Variants in SYT16 observed in about 807,000 individuals in gnomAD.
SYT16 encodes synaptotagmin-16.
SYT16 carries 42 observed loss-of-function variants against 61.4 expected under a neutral mutation model. That is an observed-to-expected ratio of 0.68 (90% CI 0.53 to 0.89). SYT16 has a LOEUF of 0.89. Among genes scored for constraint, SYT16 ranks in the 40% least tolerant of loss-of-function variants. The pLI, the probability that SYT16 is intolerant of heterozygous loss-of-function variation, is 0.00. For missense variants in SYT16, 804 were observed against 807.3 expected, an observed-to-expected ratio of 1.00 and a Z score of 0.05; for synonymous variants, 314 against 302.3, an observed-to-expected ratio of 1.04 and a Z score of -0.40.
intron 3 of SYT16, among the ~76,000 whole-genome samples, chr14:62,002,754 C>T (rs530414522): frequency 6.6e-6 from 1 of 152,220 alleles, no homozygotes; most frequent in South Asian, 2.1e-4. Flanking sequence ...ACAGGATTTG[C>T]TGTTGTATTA....
chr14:61,980,110 C>T (rs891625150), intron 2 of SYT16, among the ~76,000 whole-genome samples: 3 of 152,172 alleles, frequency 2.0e-5, no homozygotes, highest in African/African-American at 7.2e-5. Context: ...TCACCCGTCT[C>T]CACTGGGGCA....
At chr14:61,827,041 A>C (rs1346358753) in intron 1 of SYT16, among the ~76,000 whole-genome samples, 1 of 150,486 alleles carries the variant, frequency 6.6e-6, no homozygotes, top group Non-Finnish European at 1.5e-5. Context: ...ACCTCTTTAA[A>C]GGCCCCATCT....
intron 1 of SYT16, among the ~76,000 whole-genome samples, chr14:61,965,242 C>G (rs1029086818): frequency 6.6e-5 from 10 of 152,122 alleles, no homozygotes; most frequent in Admixed American, 3.3e-4. Flanking sequence ...TCTTGTGTTG[C>G]CGCCTTCTGA....
At chr14:62,091,780 A>T (rs536355259) in intron 7 of SYT16, among the ~76,000 whole-genome samples, 1 of 152,336 alleles carries the variant, frequency 6.6e-6, no homozygotes, top group East Asian at 1.9e-4. Flanking sequence ...CAAAAACTTT[A>T]TGACCTTGGA....
chr14:61,996,710 A>T (rs1395422171), intron 3 of SYT16, among the ~76,000 whole-genome samples, 168 bp downstream of exon 3: 1 of 152,068 alleles, frequency 6.6e-6, no homozygotes, highest in African/African-American at 2.4e-5. Flanking sequence ...TATTTTCAAT[A>T]TATAAAGCTT....
intron 1 of SYT16, among the ~76,000 whole-genome samples, chr14:61,838,421 C>G (rs2046199302): frequency 6.6e-6 from 1 of 152,140 alleles, no homozygotes; most frequent in Non-Finnish European, 1.5e-5. Flanking sequence ...GAGGACCCTC[C>G]CAGCTGTTCA....
chr14:61,898,131 C>G (rs568858885), intron 1 of SYT16, among the ~76,000 whole-genome samples: 1 of 152,230 alleles, frequency 6.6e-6, no homozygotes, highest in South Asian at 2.1e-4. Flanking sequence ...AGAAAATGTG[C>G]CAATTCTTAG....
At chr14:62,046,400 G>T (rs1447233033) in intron 3 of SYT16, among the ~76,000 whole-genome samples, 1 of 151,952 alleles carries the variant, frequency 6.6e-6, no homozygotes, top group Admixed American at 6.5e-5. Flanking sequence ...CCATTCTGTA[G>T]GTTGCCTGTT....
chr14:61,866,957 A>ATT (rs368063351), intron 1 of SYT16, among the ~76,000 whole-genome samples: 2 of 146,248 alleles, frequency 1.4e-5, no homozygotes, highest in African/African-American at 2.5e-5. Context: ...GTCTAGGCTC[A>ATT]TTTTTTTTTT....
chr14:62,090,615 A>C (rs1002033964), intron 7 of SYT16, among the ~76,000 whole-genome samples: 8 of 152,228 alleles, frequency 5.3e-5, no homozygotes, highest in African/African-American at 1.9e-4. Context: ...TAGATGAGGC[A>C]CTAACTTATT....
rs2057597060 is a variant in SYT16 at position 62,110,884 on chromosome 14, C to A, written c.*10177C>A. On this transcript the variant is annotated 3_prime_UTR_variant, in exon 8 of 8. Transcript: ENST00000683842. Reference sequence around the variant, plus strand: ...CCTGCCAAAAAAGGTCCTTCAATCTCCTTTATTATTTTTCTTTTGAAGAAT... The same window carrying A: ...CCTGCCAAAAAAGGTCCTTCAATCTACTTTATTATTTTTCTTTTGAAGAAT... 6.6e-6 allele frequency: 1 copy of A among 151,994 alleles called. No homozygotes were observed. The highest frequency in any genetic ancestry group is 2.1e-4 in the South Asian group (1 of 4,814). The allele number at this position is 151,994 out of a possible 1,614,324, so 9.4% of individuals were successfully genotyped here. A position where few individuals can be genotyped will look rare whatever the true frequency, so the allele number is the denominator to read the frequency against.
intron 1 of SYT16, among the ~76,000 whole-genome samples, chr14:61,915,422 G>T (rs1411106257): frequency 6.6e-6 from 1 of 151,932 alleles, no homozygotes; most frequent in African/African-American, 2.4e-5. Context: ...ATTCCCTACT[G>T]CCAGAAATTC....
At chr14:61,932,070 T>C (rs1415172249) in intron 1 of SYT16, among the ~76,000 whole-genome samples, 1 of 152,230 alleles carries the variant, frequency 6.6e-6, no homozygotes, top group Non-Finnish European at 1.5e-5. Flanking sequence ...ACAATTTTAC[T>C]TTGGAACTGG....
chr14:61,843,646 A>G (rs1042295898), intron 1 of SYT16, among the ~76,000 whole-genome samples: 2 of 152,200 alleles, frequency 1.3e-5, no homozygotes, highest in South Asian at 2.1e-4. Flanking sequence ...TCCCACCACC[A>G]TTTATTGAAG....
intron 1 of SYT16, among the ~76,000 whole-genome samples, chr14:61,840,756 GT>G (rs2046279197): frequency 6.6e-6 from 1 of 152,156 alleles, no homozygotes; most frequent in South Asian, 2.1e-4. Context: ...CTGCATCCTG[GT>G]AATTAGGTAT....
chr14:61,852,454 A>G (rs1258414742), intron 1 of SYT16, among the ~76,000 whole-genome samples: 2 of 152,194 alleles, frequency 1.3e-5, no homozygotes, highest in Non-Finnish European at 2.9e-5. Flanking sequence ...AATTCTGTAA[A>G]GAACATCAAT....
At chr14:61,869,859 T>A (rs2047275903) in intron 1 of SYT16, among the ~76,000 whole-genome samples, 1 of 152,162 alleles carries the variant, frequency 6.6e-6, no homozygotes, top group African/African-American at 2.4e-5. Context: ...AGACACTACA[T>A]CTTCCAGTGC....
At chr14:61,892,825 A>G (rs1055580136) in intron 1 of SYT16, among the ~76,000 whole-genome samples, 2 of 152,162 alleles carry the variant, frequency 1.3e-5, no homozygotes, top group South Asian at 2.1e-4. Flanking sequence ...AGGCACCATT[A>G]CTGTTCCCAT....
chr14:61,845,544 T>G (rs1169808023), intron 1 of SYT16, among the ~76,000 whole-genome samples: 1 of 152,240 alleles, frequency 6.6e-6, no homozygotes, highest in Admixed American at 6.5e-5. Context: ...TTGTAATGTC[T>G]TCTTTTCGTG....
Sources: gnomAD v4.1 joint callset for allele counts (sites outside exome capture counted in the v4.1 genomes callset) on GRCh38, gnomAD v4.1.1 for gene constraint, MANE v1.5 for transcripts, NCBI Gene and HGNC (gene_info 2026-07-23, HGNC 2026-07-21) for gene names.